TACC3: variants seen among roughly 807,000 people sequenced by gnomAD.
The protein encoded by TACC3 is transforming acidic coiled-coil-containing protein 3.
A neutral mutation model predicts 86.0 loss-of-function variants in TACC3; 52 were observed. The observed-to-expected ratio is 0.60, with a 90% CI of 0.48 to 0.76. The LOEUF is 0.76. Ranked by LOEUF, TACC3 falls within the 30% of genes least tolerant of loss-of-function variation. TACC3 has a pLI of 0.00. For missense variants in TACC3, 1,120 were observed against 1,070.4 expected (o/e 1.05, Z -0.65); for synonymous variants, 512 against 430.0 (o/e 1.19, Z -2.36).
upstream of TACC3, chr4:1,720,874 G>A: frequency 6.5e-7 from 1 of 1,538,506 alleles, no homozygotes. This position sits in a 1 kb window ranked among gnomAD's most constrained non-coding sequence, Gnocchi z 4.4. Flanking sequence ...CTAGGCCCCC[G>A]CCCCGGCGCG....
In TACC3 at chr4:1,722,110, T is replaced by C. The variant is rs113172950; in HGVS notation, c.-2+467T>C. ...CCCGCACCTGCTGCGCCGCTCCACC[T>C]TCCCCCCGCACCGCATCCCTCTTGT... On this transcript the variant is annotated intron_variant, in intron 1 of 15. Coordinates refer to ENST00000313288, the MANE Select transcript of TACC3 (RefSeq NM_006342.3). Among the ~76,000 whole-genome samples, 739 of 152,116 alleles carry C rather than the reference T, an allele frequency of 4.9e-3. 10 individuals carry two copies. Among genetic ancestry groups the C allele is most frequent in the African/African-American group, 0.017 (696 of 41,506 alleles).
rs144284746 is a variant in TACC3 at position 1,744,959 on chromosome 4, C to T, written c.2463C>T (p.Asn821=). The T allele has an allele frequency of 3.4e-5, 54 of 1,611,832 alleles. No homozygotes were observed. The highest frequency in any genetic ancestry group is 1.6e-4 in the African/African-American group (12 of 74,930). Residue 821 remains asparagine, a synonymous_variant, in exon 16 of 16, where the codon AAC becomes AAT. Transcript: ENST00000313288. ...EKTVEQKTKE[N]EELTRICDDL... ...TCTTCCTCCTCCAGACTAAAGAGAA[C>T]GAGGAGCTGACCAGGATCTGCGACG...
rs773546634 is a variant in TACC3 at position 1,730,682 on chromosome 4, G to A, written c.1386-205G>A. ...TTCTCCCAGAGCTGGCAGGCAAGGC[G>A]CGTGTTTTCCTGCTGGGTGAGGTTG... On this transcript the variant is annotated intron_variant, in intron 4 of 15. Transcript: ENST00000313288. 7.0e-5 allele frequency: 50 copies of A among 712,496 alleles called. 1 individual carries two copies. The highest frequency in any genetic ancestry group is 1.5e-4 in the Admixed American group (8 of 52,532). The allele number at this position is 712,496 out of a possible 1,614,324, so 44.1% of individuals were successfully genotyped here.
At chr4:1,730,300 G>A (rs563484703) in intron 4 of TACC3, 1 of 197,580 alleles carries the variant, frequency 5.1e-6, no homozygotes, top group East Asian at 1.4e-4. Context: ...GCCTCCCAAA[G>A]TGCTGGGATT....
In TACC3 at chr4:1,739,731, G is replaced by A. The variant is rs1485556022; in HGVS notation, c.1971G>A (p.Glu657=). Residue 657 remains glutamate (E), a synonymous_variant, in exon 11 of 16, where the codon GAG becomes GAA. Coordinates refer to ENST00000313288, the MANE Select transcript of TACC3 (RefSeq NM_006342.3). The part of the protein sequence containing the change: ...VVKATQEENR[E]LRSRCEELHG... ...AGGCGACACAGGAGGAGAACCGGGA[G>A]CTGAGGAGCAGGTGTGAGGAGCTCC... is the stretch of plus-strand genomic sequence containing the variant. The A allele has an allele frequency of 6.3e-7, 1 of 1,588,028 alleles. No individual in the cohort carries two copies. Among genetic ancestry groups the A allele is most frequent in the Non-Finnish European group, 8.6e-7 (1 of 1,168,392 alleles).
Position 1,744,473 on chromosome 4 carries a change from C to T in TACC3, c.2224-45C>T, listed in dbSNP as rs754311650. 5 of 1,573,910 alleles carry T rather than the reference C, an allele frequency of 3.2e-6. No homozygotes were observed. In the East Asian group the frequency reaches 6.7e-5, roughly 21 times the overall value. ...CCAGACACCAAGCCTGGGTGCTCTCCAGCAGACGGCGTGGTACCCACAGCT... is the reference window on the plus strand; with the variant it reads ...CCAGACACCAAGCCTGGGTGCTCTCTAGCAGACGGCGTGGTACCCACAGCT... On this transcript the variant is annotated intron_variant, in intron 13 of 15. Transcript: ENST00000313288.
chr4:1,737,877 G>T lies in TACC3; in HGVS notation c.1941+175G>T, dbSNP rs1024450742. 2.1e-5 allele frequency: 15 copies of T among 716,830 alleles called. No individual in the cohort carries two copies. The East Asian group carries it at 4.1e-4, about 20-fold the overall frequency. The allele number at this position is 716,830 out of a possible 1,614,324, so 44.4% of individuals were successfully genotyped here. ...CTGGCCTGTCACTACTGCCCAGGTC[G>T]CTGAGGGTCCAGGCTTCCACCCAGT... On this transcript the variant is annotated intron_variant, in intron 10 of 15. Transcript: ENST00000313288.
At chr4:1,736,607 G>A (rs898077310) in intron 8 of TACC3, among the ~76,000 whole-genome samples, 1 of 151,632 alleles carries the variant, frequency 6.6e-6, no homozygotes. Flanking sequence ...AGGCTGTGTG[G>A]CCTTCAAATC....
chr4:1,729,188 C>T (rs998556757), intron 4 of TACC3, among the ~76,000 whole-genome samples: 1 of 152,122 alleles, frequency 6.6e-6, no homozygotes, highest in African/African-American at 2.4e-5. Context: ...GGGTCTTGGC[C>T]GTGGGTCTGC....
Position 1,744,737 on chromosome 4 carries a change from C to CGGA in TACC3, c.2358_2360dup (p.Arg786dup), listed in dbSNP as rs769252880. On this transcript the variant is annotated inframe_insertion, in exon 15 of 16. Transcript: ENST00000313288. ...GGCAAACGAGGAGATCGCCCAGGTC[C>CGGA]GGAGCAAGGCCCAGGCGGAAGCGTT... 2.5e-6 allele frequency: 4 copies of CGGA among 1,612,624 alleles called. No homozygotes were observed. Among genetic ancestry groups the CGGA allele is most frequent in the Non-Finnish European group, 3.4e-6 (4 of 1,179,970 alleles).
chr4:1,731,301 G>A lies in TACC3; in HGVS notation c.1591G>A (p.Val531Ile). Residue 531 changes from valine (V) to isoleucine (I), a missense_variant and splice_region_variant, in exon 6 of 16, where the codon GTT becomes ATT. Val to Ile is a conservative substitution (Grantham distance 29, BLOSUM62 3). Transcript: ENST00000313288. ...KEESFRDPAE[V>I]LGTGAEVDYL... ...GGAGAGCTTCAGAGACCCCGCTGAGGGTACGTTGCCTGGCACAGACGTCAC... is the reference window on the plus strand; with the variant it reads ...GGAGAGCTTCAGAGACCCCGCTGAGAGTACGTTGCCTGGCACAGACGTCAC... 5 of 1,613,024 alleles carry A rather than the reference G, an allele frequency of 3.1e-6. No individual in the cohort carries two copies. Among genetic ancestry groups the A allele is most frequent in the Non-Finnish European group, 4.2e-6 (5 of 1,179,982 alleles).
Position 1,727,826 on chromosome 4 carries a change from A to G in TACC3, c.424A>G (p.Ser142Gly), listed in dbSNP as rs2108687286. 1.2e-6 allele frequency: 2 copies of G among 1,613,002 alleles called. No homozygotes were observed. The highest frequency in any genetic ancestry group is 2.2e-5 in the East Asian group (1 of 44,888). Reference sequence around the variant, plus strand: ...CCCAGCCTTTGGGAGTGGCAGCTCCAGCGAGTCTGGCCCAGGTGCCCTGGC... The same window carrying G: ...CCCAGCCTTTGGGAGTGGCAGCTCCGGCGAGTCTGGCCCAGGTGCCCTGGC... ...ASPAFGSGSSSESGPGALADL... is the reference protein window; with the variant it reads ...ASPAFGSGSSGESGPGALADL... The change falls in exon 4 of 16, where the codon AGC (serine) becomes GGC (glycine). Residue 142 changes from serine to glycine, a missense_variant. Physicochemically the swap from Ser to Gly is moderately conservative, Grantham distance 56. Coordinates refer to ENST00000313288, the MANE Select transcript of TACC3 (RefSeq NM_006342.3).
Position 1,723,580 on chromosome 4 carries a change from G to T in TACC3, c.159G>T (p.Met53Ile). 6.2e-7 allele frequency: 1 copy of T among 1,613,010 alleles called. No homozygotes were observed. The highest frequency in any genetic ancestry group is 1.3e-5 in the African/African-American group (1 of 75,030). ...NVPPKNLAKA[M>I]KVTFQTPLRD... is the part of the protein sequence containing the mutation. ...CACCCAAGAACCTGGCCAAAGCTAT[G>T]AAGGTAAGTGTGACCTGTACAGTGT... The change falls in exon 2 of 16, where the codon ATG becomes ATT. Residue 53 changes from methionine to isoleucine, a missense_variant. Coordinates refer to ENST00000313288, the MANE Select transcript of TACC3 (RefSeq NM_006342.3).
intron 5 of TACC3, 92 bp from the exon 6 acceptor site, chr4:1,731,080 C>G (rs759717695): frequency 6.3e-7 from 1 of 1,597,082 alleles, no homozygotes; most frequent in African/African-American, 1.3e-5. Context: ...TCCCTCTCCC[C>G]CAAGTCTACT....
At chr4:1,723,360 G>C (rs1717513877) in intron 1 of TACC3, 61 bp from the exon 2 acceptor site, 4 of 1,563,056 alleles carry the variant, frequency 2.6e-6, no homozygotes, top group Admixed American at 3.4e-5. Flanking sequence ...TGTCACGTCT[G>C]TGTCTGGACA....
chr4:1,735,412 T>C lies in TACC3; in HGVS notation c.1644+87T>C. On this transcript the variant is annotated intron_variant, in intron 7 of 15. Coordinates refer to ENST00000313288, the MANE Select transcript of TACC3 (RefSeq NM_006342.3). This position sits in a 1 kb window ranked among gnomAD's most constrained non-coding sequence, Gnocchi z 4.2. ...GTCTTGCCCCCGGAGCGTCCCTTGG[T>C]GCCCACGTCCCCCCAGCTGCACACA... is the stretch of plus-strand genomic sequence containing the variant. The C allele has an allele frequency of 6.7e-7, 1 of 1,483,132 alleles. No individual in the cohort carries two copies. The highest frequency in any genetic ancestry group is 9.4e-7 in the Non-Finnish European group (1 of 1,064,442). 91.9% of individuals were successfully genotyped at this position (1,483,132 alleles called of 1,614,324 possible). A position where few individuals can be genotyped will look rare whatever the true frequency, so the allele number is the denominator to read the frequency against.
chr4:1,731,392 G>A, intron 6 of TACC3, 91 bp downstream of exon 6: 2 of 1,497,354 alleles, frequency 1.3e-6, no homozygotes, highest in Non-Finnish European at 9.1e-7. Context: ...ATCATCGGCA[G>A]GTGGTCATTT....
intron 12 of TACC3, 151 bp from the exon 13 acceptor site, chr4:1,740,675 G>A: frequency 1.5e-6 from 1 of 671,584 alleles, no homozygotes; most frequent in East Asian, 2.6e-5. Flanking sequence ...GAAGATCCTG[G>A]GTGGAGGGAC....
At chr4:1,724,507 C>T (rs949085827) in intron 3 of TACC3, among the ~76,000 whole-genome samples, 3 of 149,144 alleles carry the variant, frequency 2.0e-5, no homozygotes, top group Non-Finnish European at 4.4e-5. Flanking sequence ...TCTCCTGCCT[C>T]AGCCTCCCGA....
Sources: allele counts gnomAD v4.1 joint callset (sites outside exome capture counted in the v4.1 genomes callset), GRCh38; gene constraint gnomAD v4.1.1; non-coding constraint Gnocchi (gnomAD v3.1); transcripts MANE v1.5; gene names NCBI Gene and HGNC (gene_info 2026-07-23, HGNC 2026-07-21).